Variants in NCAM1 observed in about 807,000 individuals in gnomAD.
NCAM1 encodes the protein neural cell adhesion molecule 1, also known as antigen recognized by monoclonal antibody 5.1H11.
NCAM1 carries 14 observed loss-of-function variants against 109.8 expected under a neutral mutation model. The observed-to-expected ratio is 0.13, with a 90% CI of 0.08 to 0.20. NCAM1 has a LOEUF of 0.20. Among genes scored for constraint, NCAM1 ranks in the 10% least tolerant of loss-of-function variants. The pLI, the probability that NCAM1 is intolerant of heterozygous loss-of-function variation, is 1.00. For missense variants in NCAM1, 774 were observed against 1,109.9 expected, an observed-to-expected ratio of 0.70 and a Z score of 4.30; for synonymous variants, 418 against 442.9, an observed-to-expected ratio of 0.94 and a Z score of 0.70.
Position 113,275,568 on chromosome 11 carries a change from A to G in NCAM1, c.*181A>G, listed in dbSNP as rs1318554149. ...AAAACTAAACAGATAAAACATGGGA[A>G]TCTCCTTTTTGTAGGTTTATAGAAA... On this transcript the variant is annotated 3_prime_UTR_variant, in exon 20 of 20. Transcript: ENST00000316851. The G allele has an allele frequency of 1.1e-5, 8 of 748,126 alleles. No homozygotes were observed. Among genetic ancestry groups the G allele is most frequent in the Non-Finnish European group, 1.6e-5 (8 of 499,618 alleles). The allele number at this position is 748,126 out of a possible 1,614,324, so 46.3% of individuals were successfully genotyped here.
intron 1 of NCAM1, among the ~76,000 whole-genome samples, chr11:113,100,593 G>A (rs1939829549): frequency 6.6e-6 from 1 of 152,116 alleles, no homozygotes; most frequent in Non-Finnish European, 1.5e-5. Context: ...ATCTTCCCCT[G>A]GAGTTTGGGA....
At chr11:113,140,562 G>A (rs1555100216) in intron 1 of NCAM1, among the ~76,000 whole-genome samples, 2 of 152,102 alleles carry the variant, frequency 1.3e-5, no homozygotes, top group African/African-American at 2.4e-5. Flanking sequence ...GCATTGCTTC[G>A]GAGTCAAGCC....
At chr11:112,967,895 T>G (rs1428124506) in intron 1 of NCAM1, among the ~76,000 whole-genome samples, 1 of 152,130 alleles carries the variant, frequency 6.6e-6, no homozygotes, top group Non-Finnish European at 1.5e-5. Flanking sequence ...GGTATATAAT[T>G]TTGAGGGCCT....
chr11:113,271,302 G>A (rs374745554), intron 18 of NCAM1, among the ~76,000 whole-genome samples: 17 of 148,572 alleles, frequency 1.1e-4, no homozygotes, highest in African/African-American at 3.8e-4. Context: ...CCCAGGAGGC[G>A]GAGGTTGCAA....
At position 113,011,891 on chromosome 11, in the gene NCAM1, G is replaced by C. The variant is rs140619473; in HGVS notation, c.52+50227G>C. Among the ~76,000 whole-genome samples the C allele has an allele frequency of 5.0e-3, 765 of 152,130 alleles. 5 individuals are homozygous for C. The highest frequency in any genetic ancestry group is 0.018 in the South Asian group (85 of 4,810). ...AAATGCAAAGTGTGATTCTGGATTG[G>C]AGACTGGTTTGGAAAAAAAAATTTC... On this transcript the variant is annotated intron_variant, in intron 1 of 19. Coordinates refer to ENST00000316851, the MANE Select transcript of NCAM1 (RefSeq NM_181351.5).
Position 113,273,235 on chromosome 11 carries a change from C to T in NCAM1, c.2456+1359C>T, listed in dbSNP as rs1251162958. The T allele has an allele frequency of 2.8e-6, 1 of 362,990 alleles. No homozygotes were observed. The highest frequency in any genetic ancestry group is 5.5e-6 in the Non-Finnish European group (1 of 183,310). 22.5% of individuals were successfully genotyped at this position (362,990 alleles called of 1,614,324 possible). A position where few individuals can be genotyped will look rare whatever the true frequency, so the allele number is the denominator to read the frequency against. On this transcript the variant is annotated intron_variant, in intron 19 of 19. Coordinates refer to ENST00000316851, the MANE Select transcript of NCAM1 (RefSeq NM_181351.5). The surrounding 1 kb of genome is among the most constrained non-coding windows in gnomAD (Gnocchi z 6.0). ...CTGAGCGACACCCCGACCTCAACCC[C>T]TGCCGCTAGCAATTTGTCTTCTAGT... is the stretch of plus-strand genomic sequence containing the variant.
chr11:113,142,851 C>A (rs959108177), intron 1 of NCAM1, among the ~76,000 whole-genome samples: 2 of 152,266 alleles, frequency 1.3e-5, no homozygotes, highest in East Asian at 1.9e-4. Context: ...TCAGTTTTTA[C>A]TGTAAATTTT....
intron 15 of NCAM1, 108 bp from the exon 16 acceptor site, chr11:113,255,769 G>A (rs905891707): frequency 2.4e-6 from 3 of 1,261,008 alleles, no homozygotes; most frequent in African/African-American, 1.5e-5. Flanking sequence ...GAATTTCTGA[G>A]AAAGCAAGAA....
intron 14 of NCAM1, among the ~76,000 whole-genome samples, chr11:113,237,885 TATATAG>T (rs55912616): frequency 0.48 from 59,082 of 123,028 alleles, 13,419 homozygotes; most frequent in East Asian, 0.75. Flanking sequence ...TATATATAGA[TATATAG>T]ATATAGATAT....
chr11:113,051,823 C>A (rs1555081829), intron 1 of NCAM1, among the ~76,000 whole-genome samples: 1 of 152,222 alleles, frequency 6.6e-6, no homozygotes, highest in East Asian at 1.9e-4. Flanking sequence ...ACCATCCTTT[C>A]AGCTTTTTAC....
intron 14 of NCAM1, chr11:113,243,579 A>G (rs1555119530): frequency 1.9e-6 from 1 of 518,856 alleles, no homozygotes; most frequent in Non-Finnish European, 3.8e-6. Context: ...CACTGCTGTA[A>G]CATGTTCCAA....
chr11:113,095,288 T>TA (rs782123532), intron 1 of NCAM1, among the ~76,000 whole-genome samples: 1 of 150,900 alleles, frequency 6.6e-6, no homozygotes, highest in Non-Finnish European at 1.5e-5. Flanking sequence ...TCCTCTGATA[T>TA]AGCACTGACC....
intron 1 of NCAM1, among the ~76,000 whole-genome samples, chr11:113,037,075 A>T (rs1952911370): frequency 1.3e-5 from 2 of 152,098 alleles, no homozygotes; most frequent in Non-Finnish European, 2.9e-5. Flanking sequence ...TCCAGTCTTT[A>T]TATCTGAGTT....
chr11:112,978,976 A>T (rs1951078209), intron 1 of NCAM1, among the ~76,000 whole-genome samples: 2 of 151,842 alleles, frequency 1.3e-5, no homozygotes. Context: ...ACTTGTTATT[A>T]TCCTCTTTAC....
intron 9 of NCAM1, chr11:113,231,442 A>G: frequency 1.1e-6 from 1 of 911,390 alleles, no homozygotes; most frequent in South Asian, 1.7e-5. Flanking sequence ...GGATACTCCC[A>G]GGTTCTCATG....
At chr11:113,136,559 G>A (rs190437978) in intron 1 of NCAM1, among the ~76,000 whole-genome samples, 71 of 152,348 alleles carry the variant, frequency 4.7e-4, no homozygotes, top group African/African-American at 1.5e-3. Context: ...TGCGTGAAGC[G>A]TGTCTGAGCA....
chr11:113,270,330 C>A lies in NCAM1; in HGVS notation c.2274C>A (p.Asn758Lys). ...GCCTGTTCATGTGCATTGCGGTCAACCTGTGTGGAAAAGCCGGGCCCGGGG... is the reference window on the plus strand; with the variant it reads ...GCCTGTTCATGTGCATTGCGGTCAAACTGTGTGGAAAAGCCGGGCCCGGGG... ...KCGLFMCIAV[N>K]LCGKAGPGAK... The change falls in exon 18 of 20, where the codon AAC becomes AAA. Residue 758 changes from asparagine (N) to lysine (K), a missense_variant. Coordinates refer to ENST00000316851, the MANE Select transcript of NCAM1 (RefSeq NM_181351.5). The A allele has an allele frequency of 1.2e-6, 2 of 1,613,990 alleles. No individual in the cohort carries two copies. Among genetic ancestry groups the A allele is most frequent in the South Asian group, 1.1e-5 (1 of 91,086 alleles).
intron 1 of NCAM1, among the ~76,000 whole-genome samples, chr11:113,012,956 C>T (rs1047660499): frequency 6.6e-6 from 1 of 152,040 alleles, no homozygotes; most frequent in Non-Finnish European, 1.5e-5. Flanking sequence ...CTACAACATA[C>T]TTTCAAATGG....
chr11:112,961,993 C>T (rs1339055347), intron 1 of NCAM1, among the ~76,000 whole-genome samples: 2 of 152,178 alleles, frequency 1.3e-5, no homozygotes, highest in African/African-American at 4.8e-5. Context: ...ATGGGCAGCG[C>T]TCCTTCCCCA....
Sources: allele counts gnomAD v4.1 joint callset (sites outside exome capture counted in the v4.1 genomes callset), GRCh38; gene constraint gnomAD v4.1.1; non-coding constraint Gnocchi (gnomAD v3.1); transcripts MANE v1.5; gene names NCBI Gene and HGNC (gene_info 2026-07-23, HGNC 2026-07-21).